COP1: variants seen among roughly 807,000 people sequenced by gnomAD.
COP1 encodes the protein E3 ubiquitin-protein ligase COP1.
In COP1, 24 loss-of-function variants were observed where a neutral mutation model predicts 101.3. That is an observed-to-expected ratio of 0.24 (90% confidence interval 0.17 to 0.33). The LOEUF is 0.33. Ranked by LOEUF, COP1 falls within the 10% of genes least tolerant of loss-of-function variation. COP1 has a pLI of 1.00. For missense variants in COP1, 663 were observed against 906.2 expected (o/e 0.73, Z 3.45); for synonymous variants, 347 against 341.9 (o/e 1.01, Z -0.17).
chr1:176,018,063 T>C (rs1237523099), intron 15 of COP1, among the ~76,000 whole-genome samples: 3 of 152,208 alleles, frequency 2.0e-5, no homozygotes, highest in African/African-American at 7.2e-5. Flanking sequence ...AATTAGAAGA[T>C]ATCACTTCCT....
At chr1:176,053,567 CCCACTT>C (rs1259091467) in intron 11 of COP1, among the ~76,000 whole-genome samples, 1 of 152,084 alleles carries the variant, frequency 6.6e-6, no homozygotes, top group East Asian at 1.9e-4. Context: ...TTTTATTCTG[CCCACTT>C]CCACTTCACA....
At chr1:176,197,342 A>G (rs1434477182) in intron 1 of COP1, among the ~76,000 whole-genome samples, 2 of 152,174 alleles carry the variant, frequency 1.3e-5, no homozygotes, top group Admixed American at 6.5e-5. Flanking sequence ...TGGGCCCAGA[A>G]GTTCGAGGAT....
intron 18 of COP1, among the ~76,000 whole-genome samples, chr1:175,949,398 T>C (rs543635460): frequency 6.6e-6 from 1 of 152,184 alleles, no homozygotes; most frequent in Non-Finnish European, 1.5e-5. Flanking sequence ...GGATGTCCTT[T>C]AGGAATATAA....
intron 11 of COP1, among the ~76,000 whole-genome samples, chr1:176,058,659 C>G (rs954910467): frequency 3.9e-5 from 6 of 151,922 alleles, no homozygotes; most frequent in South Asian, 2.1e-4. Flanking sequence ...AAACCAGAGA[C>G]CTTTGTTCAC....
At chr1:176,095,229 A>G (rs1219582942) in intron 9 of COP1, among the ~76,000 whole-genome samples, 8 of 152,252 alleles carry the variant, frequency 5.3e-5, no homozygotes, top group Admixed American at 5.2e-4. Flanking sequence ...ACATTTTCAT[A>G]CAAGCAGATT....
intron 5 of COP1, among the ~76,000 whole-genome samples, chr1:176,152,263 TA>T (rs1035498450): frequency 8.6e-4 from 123 of 143,408 alleles, no homozygotes; most frequent in African/African-American, 8.1e-4. Context: ...TTCTCTCTCC[TA>T]AAAAAAAAAA....
At chr1:176,067,131 T>C (rs187972543) in intron 11 of COP1, among the ~76,000 whole-genome samples, 2 of 152,096 alleles carry the variant, frequency 1.3e-5, no homozygotes, top group Admixed American at 6.5e-5. Flanking sequence ...TCCAAACCCA[T>C]AGAATATACA....
At chr1:175,982,866 G>T (rs1656196290) in intron 18 of COP1, among the ~76,000 whole-genome samples, 1 of 152,154 alleles carries the variant, frequency 6.6e-6, no homozygotes, top group African/African-American at 2.4e-5. Context: ...AGTTACCAGA[G>T]GTGGGGGATG....
At chr1:176,107,854 A>C (rs1684583390) in intron 9 of COP1, among the ~76,000 whole-genome samples, 1 of 152,188 alleles carries the variant, frequency 6.6e-6, no homozygotes, top group South Asian at 2.1e-4. Context: ...AAAATAGATA[A>C]TCTGAATCTT....
chr1:175,950,466 G>A (rs188184298), intron 18 of COP1, among the ~76,000 whole-genome samples: 2 of 152,294 alleles, frequency 1.3e-5, no homozygotes, highest in African/African-American at 4.8e-5. Flanking sequence ...TAGAGATGTG[G>A]AAGTGGTACG....
At chr1:176,104,181 AAAAT>A (rs1261228260) in intron 9 of COP1, among the ~76,000 whole-genome samples, 12 of 152,174 alleles carry the variant, frequency 7.9e-5, no homozygotes, top group Non-Finnish European at 1.2e-4. Flanking sequence ...AACATACACT[AAAAT>A]AAACTCCAAA....
chr1:176,095,555 A>G (rs1327321113), intron 9 of COP1, among the ~76,000 whole-genome samples: 1 of 152,126 alleles, frequency 6.6e-6, no homozygotes, highest in East Asian at 1.9e-4. Flanking sequence ...GGTGGCATAC[A>G]CCTGCAGTCC....
At position 175,954,942 on chromosome 1, in the gene COP1, A is replaced by AT. The variant is rs557554457; in HGVS notation, c.2134-7704_2134-7703insA. Among the ~76,000 whole-genome samples, 395 of 152,236 alleles carry AT rather than the reference A, an allele frequency of 2.6e-3. 4 individuals carry two copies. Among genetic ancestry groups the AT allele is most frequent in the African/African-American group, 9.1e-3 (377 of 41,548 alleles). ...TCAACATTAAAAAATATATATATAT[A>AT]ATTCACTATGTAAAGAGAATAGAAA... On this transcript the variant is annotated intron_variant, in intron 18 of 19. Coordinates refer to ENST00000367669, the MANE Select transcript of COP1 (RefSeq NM_022457.7).
At chr1:176,041,842 A>G (rs574220944) in intron 14 of COP1, among the ~76,000 whole-genome samples, 2 of 152,082 alleles carry the variant, frequency 1.3e-5, no homozygotes, top group South Asian at 2.1e-4. Context: ...AGCCAGGTGC[A>G]GTGGCTCACA....
chr1:176,120,332 A>C (rs569313927), intron 8 of COP1, among the ~76,000 whole-genome samples: 2 of 152,114 alleles, frequency 1.3e-5, no homozygotes, highest in East Asian at 3.9e-4. Context: ...AGGCAGGAGA[A>C]TCTCTTGAAC....
At chr1:176,070,353 CT>C (rs1264862277) in intron 11 of COP1, among the ~76,000 whole-genome samples, 13 of 131,604 alleles carry the variant, frequency 9.9e-5, no homozygotes, top group Non-Finnish European at 9.9e-5. Flanking sequence ...TTTTTTTTAA[CT>C]TTTTTTTTTA....
At position 175,987,048 on chromosome 1, in the gene COP1, T is replaced by C. The variant is rs773624576; in HGVS notation, c.2028A>G (p.Leu676=). The C allele has an allele frequency of 3.8e-6, 6 of 1,599,480 alleles. No homozygotes were observed. Among genetic ancestry groups the C allele is most frequent in the Non-Finnish European group, 8.6e-7 (1 of 1,168,118 alleles). Residue 676 remains leucine, a synonymous_variant, in exon 18 of 20, where the codon CTA becomes CTG. Coordinates refer to ENST00000367669, the MANE Select transcript of COP1 (RefSeq NM_022457.7). ...TTTTGACTGTATCAAACTTAAAAGT[T>C]AGCAAAGTCTTAGAAAGTCCTTTAT... is the stretch of plus-strand genomic sequence containing the variant. ...LYYKGLSKTL[L]TFKFDTVKSV...
intron 6 of COP1, among the ~76,000 whole-genome samples, chr1:176,142,417 T>C (rs1207409248): frequency 3.3e-5 from 5 of 151,924 alleles, no homozygotes; most frequent in Admixed American, 2.6e-4. Flanking sequence ...AAAAACTGAG[T>C]CTGGCAGAGT....
chr1:176,175,848 C>T (rs547571121), intron 3 of COP1, 62 bp downstream of exon 3: 30 of 904,424 alleles, frequency 3.3e-5, no homozygotes, highest in African/African-American at 2.3e-4. Context: ...AATAAATTAG[C>T]GCTAGCACAC....
Sources: gnomAD v4.1 joint callset for allele counts (sites outside exome capture counted in the v4.1 genomes callset) on GRCh38, gnomAD v4.1.1 for gene constraint, MANE v1.5 for transcripts, NCBI Gene and HGNC (gene_info 2026-07-23, HGNC 2026-07-21) for gene names.